The following APOE variants were observed in gnomAD, a reference collection of about 807,000 sequenced individuals.
APOE encodes apolipoprotein E3.
Under a neutral mutation model 13.1 loss-of-function variants are expected in APOE, and 10 were observed. The observed-to-expected ratio is 0.76, with a 90% confidence interval of 0.47 to 1.29. The LOEUF is 1.29. APOE is among the 50% of genes most tolerant of loss of function. The pLI is 0.00. For missense variants in APOE, 471 were observed against 459.6 expected, an observed-to-expected ratio of 1.02 and a Z score of -0.23; for synonymous variants, 211 against 207.1, an observed-to-expected ratio of 1.02 and a Z score of -0.16.
chr19:44,906,466 A>T, intron 1 of APOE, 136 bp from the exon 2 acceptor site: 1 of 892,600 alleles, frequency 1.1e-6, no homozygotes. Flanking sequence ...CGGCTTGGTA[A>T]ATGTGCTGGG....
intron 3 of APOE, 123 bp downstream of exon 3, chr19:44,908,075 C>G: frequency 1.1e-6 from 1 of 915,534 alleles, no homozygotes; most frequent in South Asian, 1.4e-5. Context: ...GTTCTAGCTT[C>G]CTCTTCCCAT....
chr19:44,907,039 C>T lies in APOE; in HGVS notation c.43+372C>T. On this transcript the variant is annotated intron_variant, in intron 2 of 3. Coordinates refer to ENST00000252486, the MANE Select transcript of APOE (RefSeq NM_000041.4). This position sits in a 1 kb window ranked among gnomAD's most constrained non-coding sequence, Gnocchi z 4.1. ...GGGACTACAGGCACATGCCACCACA[C>T]CCGACTAACTTTTTTGTATTTTCAG... 1 of 278,450 alleles carries T rather than the reference C, an allele frequency of 3.6e-6. No individual in the cohort carries two copies. The allele number at this position is 278,450 out of a possible 1,614,324, so 17.2% of individuals were successfully genotyped here. A position where few individuals can be genotyped will look rare whatever the true frequency, so the allele number is the denominator to read the frequency against.
Position 44,907,323 on chromosome 19 carries a change from G to A in APOE, c.44-437G>A, listed in dbSNP as rs745575113. 15 of 275,968 alleles carry A rather than the reference G, an allele frequency of 5.4e-5. No homozygotes were observed. The highest frequency in any genetic ancestry group is 8.8e-5 in the East Asian group (1 of 11,412). 17.1% of individuals were successfully genotyped at this position (275,968 alleles called of 1,614,324 possible). ...CTCAATACATGCTTTTCCGCTGGGC[G>A]CGGTGGCTCACCCCTGTAATCCCAG... is the stretch of plus-strand genomic sequence containing the variant. On this transcript the variant is annotated intron_variant, in intron 2 of 3. Coordinates refer to ENST00000252486, the MANE Select transcript of APOE (RefSeq NM_000041.4). This position sits in a 1 kb window ranked among gnomAD's most constrained non-coding sequence, Gnocchi z 4.1.
Position 44,909,364 on chromosome 19 carries a change from G to T in APOE, c.*114G>T. The stretch of plus-strand genomic sequence containing the variant: ...AGCCGTCCTCCTGGGGTGGACCCTA[G>T]TTTAATAAAGATTCACCAAGTTTCA... On this transcript the variant is annotated 3_prime_UTR_variant, in exon 4 of 4. Transcript: ENST00000252486. 1 of 958,292 alleles carries T rather than the reference G, an allele frequency of 1.0e-6. No individual in the cohort carries two copies. Among genetic ancestry groups the T allele is most frequent in the East Asian group, 2.6e-5 (1 of 39,120 alleles). The allele number at this position is 958,292 out of a possible 1,614,324, so 59.4% of individuals were successfully genotyped here. A position where few individuals can be genotyped will look rare whatever the true frequency, so the allele number is the denominator to read the frequency against.
Position 44,908,748 on chromosome 19 carries a change from T to G in APOE, c.452T>G (p.Leu151Arg), listed in dbSNP as rs1289377244. 6.4e-7 allele frequency: 1 copy of G among 1,560,470 alleles called. No homozygotes were observed. The highest frequency in any genetic ancestry group is 2.4e-5 in the East Asian group (1 of 41,806). ...ATGCTCGGCCAGAGCACCGAGGAGC[T>G]GCGGGTGCGCCTCGCCTCCCACCTG... is the stretch of plus-strand genomic sequence containing the variant. ...QAMLGQSTEELRVRLASHLRK... is the reference protein window; with the variant it reads ...QAMLGQSTEERRVRLASHLRK... The change falls in exon 4 of 4, where the codon CTG (leucine) becomes CGG (arginine). Residue 151 changes from leucine to arginine, a missense_variant. Transcript: ENST00000252486.
chr19:44,906,752 C>T (rs1007216891), intron 2 of APOE, 85 bp downstream of exon 2: 19 of 1,379,574 alleles, frequency 1.4e-5, no homozygotes, highest in Non-Finnish European at 1.7e-5. Flanking sequence ...CAGGCAGACC[C>T]TGGGCCCCCT....
rs901469376 is a variant in APOE, at chr19:44,907,378, C to G, written c.44-382C>G. 6.4e-6 allele frequency: 2 copies of G among 311,990 alleles called. No individual in the cohort carries two copies. Among genetic ancestry groups the G allele is most frequent in the African/African-American group, 4.3e-5 (2 of 46,414 alleles). The allele number at this position is 311,990 out of a possible 1,614,324, so 19.3% of individuals were successfully genotyped here. A position where few individuals can be genotyped will look rare whatever the true frequency, so the allele number is the denominator to read the frequency against. ...TTGGGAGGCCAAGGTGGGAGGATCA[C>G]TTGAGCCCAGGAGTTCAACACCAGC... On this transcript the variant is annotated intron_variant, in intron 2 of 3. Transcript: ENST00000252486. This position sits in a 1 kb window ranked among gnomAD's most constrained non-coding sequence, Gnocchi z 4.1.
At chr19:44,906,155 C>T (rs1335000765) in intron 1 of APOE, among the ~76,000 whole-genome samples, 1 of 152,106 alleles carries the variant, frequency 6.6e-6, no homozygotes. Flanking sequence ...CTCAGATCTC[C>T]ATAACTGGGG....
Position 44,907,403 on chromosome 19 carries a change from C to G in APOE, c.44-357C>G. On this transcript the variant is annotated intron_variant, in intron 2 of 3. Transcript: ENST00000252486. The surrounding 1 kb of genome is among the most constrained non-coding windows in gnomAD (Gnocchi z 4.1). The stretch of plus-strand genomic sequence containing the variant: ...CTTGAGCCCAGGAGTTCAACACCAG[C>G]CTGGGCAACATAGTGAGACCCTGTC... 1 of 333,812 alleles carries G rather than the reference C, an allele frequency of 3.0e-6. No individual in the cohort carries two copies. Among genetic ancestry groups the G allele is most frequent in the South Asian group, 2.5e-5 (1 of 39,384 alleles). The allele number at this position is 333,812 out of a possible 1,614,324, so 20.7% of individuals were successfully genotyped here. A position where few individuals can be genotyped will look rare whatever the true frequency, so the allele number is the denominator to read the frequency against.
Position 44,909,133 on chromosome 19 carries a change from C to A in APOE, c.837C>A (p.Leu279=). The change falls in exon 4 of 4, where the codon CTC becomes CTA. Residue 279 remains leucine, a synonymous_variant. Coordinates refer to ENST00000252486, the MANE Select transcript of APOE (RefSeq NM_000041.4). ...RLQAEAFQAR[L]KSWFEPLVED... is the part of the protein sequence containing the mutation. ...AGGCCGAGGCCTTCCAGGCCCGCCTCAAGAGCTGGTTCGAGCCCCTGGTGG... is the reference window on the plus strand; with the variant it reads ...AGGCCGAGGCCTTCCAGGCCCGCCTAAAGAGCTGGTTCGAGCCCCTGGTGG... 1 of 1,601,290 alleles carries A rather than the reference C, an allele frequency of 6.2e-7. No homozygotes were observed. The highest frequency in any genetic ancestry group is 8.5e-7 in the Non-Finnish European group (1 of 1,178,478).
In APOE at chr19:44,909,336, C is replaced by T. The variant is rs1599955103; in HGVS notation, c.*86C>T. 1 of 1,281,712 alleles carries T rather than the reference C, an allele frequency of 7.8e-7. No homozygotes were observed. Among genetic ancestry groups the T allele is most frequent in the Non-Finnish European group, 1.1e-6 (1 of 902,178 alleles). 79.4% of individuals were successfully genotyped at this position (1,281,712 alleles called of 1,614,324 possible). A position where few individuals can be genotyped will look rare whatever the true frequency, so the allele number is the denominator to read the frequency against. On this transcript the variant is annotated 3_prime_UTR_variant, in exon 4 of 4. Transcript: ENST00000252486. ...CTGCAGCGGGAGACCCTGTCCCCGC[C>T]CCAGCCGTCCTCCTGGGGTGGACCC...
chr19:44,909,276 C>A lies in APOE; in HGVS notation c.*26C>A. The stretch of plus-strand genomic sequence containing the variant: ...ACGCCGAAGCCTGCAGCCATGCGAC[C>A]CCACGCCACCCCGTGCCTCCTGCCT... On this transcript the variant is annotated 3_prime_UTR_variant, in exon 4 of 4. Coordinates refer to ENST00000252486, the MANE Select transcript of APOE (RefSeq NM_000041.4). 6.3e-7 allele frequency: 1 copy of A among 1,588,962 alleles called. No homozygotes were observed. The highest frequency in any genetic ancestry group is 1.1e-5 in the South Asian group (1 of 90,660).
In APOE at chr19:44,908,841, C is replaced by T. The variant is rs2122137873; in HGVS notation, c.545C>T (p.Ala182Val). Residue 182 changes from alanine to valine, a missense_variant, in exon 4 of 4, where the codon GCC (alanine) becomes GTC (valine). Ala to Val is a moderately conservative substitution (Grantham distance 64). Transcript: ENST00000252486. ...DLQKRLAVYQ[A>V]GAREGAERGL... ...CAGAAGCGCCTGGCAGTGTACCAGG[C>T]CGGGGCCCGCGAGGGCGCCGAGCGC... 6.5e-7 allele frequency: 1 copy of T among 1,530,322 alleles called. No individual in the cohort carries two copies. Among genetic ancestry groups the T allele is most frequent in the Non-Finnish European group, 8.7e-7 (1 of 1,143,556 alleles). 94.8% of individuals were successfully genotyped at this position (1,530,322 alleles called of 1,614,324 possible). A position where few individuals can be genotyped will look rare whatever the true frequency, so the allele number is the denominator to read the frequency against.
At position 44,905,799 on chromosome 19, in the gene APOE, C is replaced by T. The variant is rs751150968; in HGVS notation, c.-66C>T. On this transcript the variant is annotated 5_prime_UTR_variant, in exon 1 of 4. Transcript: ENST00000252486. ...ACAAGTCTGGGATCCTTGAGTCCTACTCAGCCCCAGCGGAGGTGAAGGACG... is the reference window on the plus strand; with the variant it reads ...ACAAGTCTGGGATCCTTGAGTCCTATTCAGCCCCAGCGGAGGTGAAGGACG... 1.6e-6 allele frequency: 2 copies of T among 1,255,846 alleles called. No individual in the cohort carries two copies. Among genetic ancestry groups the T allele is most frequent in the South Asian group, 2.5e-5 (2 of 79,752 alleles). The allele number at this position is 1,255,846 out of a possible 1,614,324, so 77.8% of individuals were successfully genotyped here.
intron 3 of APOE, 93 bp from the exon 4 acceptor site, chr19:44,908,440 G>A: frequency 7.7e-7 from 1 of 1,295,066 alleles, no homozygotes; most frequent in Non-Finnish European, 1.1e-6. Flanking sequence ...CTCCCTCTTG[G>A]GTCTCTCTGG....
Position 44,909,288 on chromosome 19 carries a change from C to T in APOE, c.*38C>T, listed in dbSNP as rs1236271310. ...GCAGCCATGCGACCCCACGCCACCC[C>T]GTGCCTCCTGCCTCCGCGCAGCCTG... is the stretch of plus-strand genomic sequence containing the variant. On this transcript the variant is annotated 3_prime_UTR_variant, in exon 4 of 4. Coordinates refer to ENST00000252486, the MANE Select transcript of APOE (RefSeq NM_000041.4). The T allele has an allele frequency of 1.9e-6, 3 of 1,578,836 alleles. No individual in the cohort carries two copies. Among genetic ancestry groups the T allele is most frequent in the Non-Finnish European group, 2.6e-6 (3 of 1,164,518 alleles).
chr19:44,909,257 A>T lies in APOE; in HGVS notation c.*7A>T. On this transcript the variant is annotated 3_prime_UTR_variant, in exon 4 of 4. Transcript: ENST00000252486. ...GCCCAGCGACAATCACTGAACGCCGAAGCCTGCAGCCATGCGACCCCACGC... is the reference window on the plus strand; with the variant it reads ...GCCCAGCGACAATCACTGAACGCCGTAGCCTGCAGCCATGCGACCCCACGC... The T allele has an allele frequency of 6.3e-7, 1 of 1,596,102 alleles. No individual in the cohort carries two copies. The highest frequency in any genetic ancestry group is 8.5e-7 in the Non-Finnish European group (1 of 1,179,126).
chr19:44,908,737 C>T lies in APOE; in HGVS notation c.441C>T (p.Ser147=), dbSNP rs1361979577. The part of the protein sequence containing the change: ...RGEVQAMLGQ[S]TEELRVRLAS... ...AGGTGCAGGCCATGCTCGGCCAGAGCACCGAGGAGCTGCGGGTGCGCCTCG... is the reference window on the plus strand; with the variant it reads ...AGGTGCAGGCCATGCTCGGCCAGAGTACCGAGGAGCTGCGGGTGCGCCTCG... Residue 147 remains serine, a synonymous_variant, in exon 4 of 4, where the codon AGC becomes AGT. Coordinates refer to ENST00000252486, the MANE Select transcript of APOE (RefSeq NM_000041.4). The T allele has an allele frequency of 5.1e-6, 8 of 1,560,054 alleles. No individual in the cohort carries two copies. The South Asian group carries it at 8.2e-5, about 16-fold the overall frequency.
intron 1 of APOE, 132 bp downstream of exon 1, chr19:44,905,973 G>T: frequency 1.6e-6 from 2 of 1,258,476 alleles, no homozygotes; most frequent in Non-Finnish European, 2.1e-6. Context: ...AGGAGGAGCG[G>T]GGGTGAGGCA....
Sources: gnomAD v4.1 joint callset for allele counts (sites outside exome capture counted in the v4.1 genomes callset) on GRCh38, gnomAD v4.1.1 for gene constraint, Gnocchi (gnomAD v3.1) non-coding constraint, MANE v1.5 for transcripts, NCBI Gene and HGNC (gene_info 2026-07-23, HGNC 2026-07-21) for gene names.